GALNT17: variants seen among roughly 807,000 people sequenced by gnomAD.
The protein encoded by GALNT17 is UDP-GalNAc:polypeptide N-acetylgalactosaminyltransferase-like 3.
GALNT17 carries 29 observed loss-of-function variants against 63.7 expected under a neutral mutation model. The ratio of observed to expected loss-of-function variants is 0.46; its 90% CI spans 0.34 to 0.62. The LOEUF (loss-of-function observed/expected upper bound fraction) is 0.62, where lower values mean the gene tolerates loss of function less well. Ranked by LOEUF, GALNT17 falls within the 20% of genes least tolerant of loss-of-function variation. The pLI, the probability that GALNT17 is intolerant of heterozygous loss-of-function variation, is 0.01. For synonymous variants in GALNT17, 305 were observed against 318.3 expected (o/e 0.96, Z 0.45); for missense variants, 603 against 799.6 (o/e 0.75, Z 2.97).
At chr7:71,548,946 C>CT (rs1428659090) in intron 5 of GALNT17, among the ~76,000 whole-genome samples, 1 of 152,186 alleles carries the variant, frequency 6.6e-6, no homozygotes, top group East Asian at 1.9e-4. Context: ...GTTTACGTCA[C>CT]TGAGCCAGGA....
intron 2 of GALNT17, among the ~76,000 whole-genome samples, chr7:71,357,612 G>C (rs886789249): frequency 3.3e-5 from 5 of 152,112 alleles, no homozygotes; most frequent in Non-Finnish European, 7.4e-5. Flanking sequence ...GAGTCATGCA[G>C]ATTTAAAGTC....
At chr7:71,388,104 A>G in intron 2 of GALNT17, 131 bp from the exon 3 acceptor site, 1 of 925,584 alleles carries the variant, frequency 1.1e-6, no homozygotes, top group Non-Finnish European at 1.6e-6. Flanking sequence ...GGAGAAGCCT[A>G]AGGGAACCAG....
intron 1 of GALNT17, among the ~76,000 whole-genome samples, chr7:71,167,240 T>G (rs973621981): frequency 1.4e-4 from 21 of 152,124 alleles, no homozygotes; most frequent in African/African-American, 4.8e-4. Flanking sequence ...ACCAGCCATA[T>G]AGGCAAGTTC....
chr7:71,558,791 A>T (rs1006063715), intron 5 of GALNT17, among the ~76,000 whole-genome samples: 2 of 152,212 alleles, frequency 1.3e-5, no homozygotes, highest in African/African-American at 4.8e-5. Context: ...GCTTATAGGG[A>T]ATATCTTACT....
At chr7:71,444,177 T>C (rs1787118664) in intron 5 of GALNT17, among the ~76,000 whole-genome samples, 1 of 152,156 alleles carries the variant, frequency 6.6e-6, no homozygotes, top group Non-Finnish European at 1.5e-5. Context: ...CCTCTCAGCT[T>C]CCTCAGGGCC....
rs553890597 is a variant in GALNT17 at position 71,214,848 on chromosome 7, G to C, written c.238+81808G>C. On this transcript the variant is annotated intron_variant, in intron 1 of 10. Coordinates refer to ENST00000333538, the MANE Select transcript of GALNT17 (RefSeq NM_022479.3). ...CTGCCTGGGCCTCCCAAAGTGCTGG[G>C]ATTACAGGCGTGAGCCACCGCACCT... Among the ~76,000 whole-genome samples, 5 of 152,266 alleles carry C rather than the reference G, an allele frequency of 3.3e-5. No individual in the cohort carries two copies. The South Asian group carries it at 1.0e-3, about 32-fold the overall frequency.
intron 6 of GALNT17, among the ~76,000 whole-genome samples, chr7:71,653,373 A>G (rs1790780874): frequency 6.6e-6 from 1 of 151,980 alleles, no homozygotes; most frequent in Non-Finnish European, 1.5e-5. Context: ...AGAAATTGAC[A>G]CATGGAAGCT....
intron 1 of GALNT17, among the ~76,000 whole-genome samples, chr7:71,246,774 A>G (rs562350015): frequency 7.8e-4 from 119 of 151,988 alleles, no homozygotes; most frequent in Admixed American, 1.9e-3. Context: ...GCTTGCAGTG[A>G]GCTGAGAACG....
At chr7:71,337,816 C>T (rs557061415) in intron 2 of GALNT17, among the ~76,000 whole-genome samples, 2 of 151,362 alleles carry the variant, frequency 1.3e-5, no homozygotes, top group East Asian at 2.0e-4. Context: ...TGCAGTGAGC[C>T]GAGATCACAC....
intron 5 of GALNT17, among the ~76,000 whole-genome samples, chr7:71,558,415 C>T (rs1417903061): frequency 6.6e-6 from 1 of 151,796 alleles, no homozygotes; most frequent in Non-Finnish European, 1.5e-5. Context: ...TTAGTGTTCC[C>T]ATCATCATCA....
intron 2 of GALNT17, among the ~76,000 whole-genome samples, chr7:71,381,541 G>A (rs2116319693): frequency 6.6e-6 from 1 of 152,234 alleles, no homozygotes; most frequent in Admixed American, 6.5e-5. Flanking sequence ...CACTTTGAGA[G>A]GCCGAGGCGG....
chr7:71,444,376 C>A (rs1368393962), intron 5 of GALNT17, among the ~76,000 whole-genome samples: 1 of 152,152 alleles, frequency 6.6e-6, no homozygotes, highest in Non-Finnish European at 1.5e-5. Context: ...GGCTAATGTA[C>A]GTGGCCTCCT....
rs529396811 is a variant in GALNT17, at chr7:71,651,021, A to G, written c.1081-14390A>G. On this transcript the variant is annotated intron_variant, in intron 6 of 10. Coordinates refer to ENST00000333538, the MANE Select transcript of GALNT17 (RefSeq NM_022479.3). ...TAAATTGTTAGAAGTTAAAGGCATC[A>G]GGCTGGGTGCTGGGAATACCAAGAA... Among the ~76,000 whole-genome samples the G allele has an allele frequency of 2.0e-5, 3 of 152,260 alleles. No homozygotes were observed. The South Asian group carries it at 6.2e-4, about 32-fold the overall frequency.
intron 5 of GALNT17, among the ~76,000 whole-genome samples, chr7:71,426,156 A>G (rs943001158): frequency 2.0e-5 from 3 of 152,124 alleles, no homozygotes; most frequent in African/African-American, 7.2e-5. Context: ...ATTCAACATG[A>G]GATTTGGGCG....
At chr7:71,708,930 A>G (rs1791755032) in intron 9 of GALNT17, among the ~76,000 whole-genome samples, 1 of 152,218 alleles carries the variant, frequency 6.6e-6, no homozygotes, top group African/African-American at 2.4e-5. Flanking sequence ...CATGGTGTAT[A>G]GGTACCACAT....
intron 2 of GALNT17, among the ~76,000 whole-genome samples, chr7:71,345,147 G>GTTTTTTTTTTTT (rs67919212): frequency 2.2e-5 from 3 of 139,450 alleles, no homozygotes; most frequent in East Asian, 2.1e-4. Flanking sequence ...GTTGTTTTTT[G>GTTTTTTTTTTTT]TTTTTTTTTT....
At chr7:71,696,023 C>T (rs963959639) in intron 9 of GALNT17, among the ~76,000 whole-genome samples, 2 of 152,174 alleles carry the variant, frequency 1.3e-5, no homozygotes, top group Non-Finnish European at 2.9e-5. Context: ...TTTAACCAAG[C>T]AATAAATAAA....
chr7:71,141,520 A>G (rs891907881), intron 1 of GALNT17, among the ~76,000 whole-genome samples: 2 of 152,148 alleles, frequency 1.3e-5, no homozygotes, highest in African/African-American at 2.4e-5. Context: ...TTCAAAATGT[A>G]TAGCATAAGC....
At chr7:71,135,427 A>G (rs1419952906) in intron 1 of GALNT17, among the ~76,000 whole-genome samples, 1 of 152,208 alleles carries the variant, frequency 6.6e-6, no homozygotes, top group East Asian at 1.9e-4. Flanking sequence ...CTGAATCTTT[A>G]CAATGACTTG....
Sources: gnomAD v4.1 joint callset for allele counts (sites outside exome capture counted in the v4.1 genomes callset) on GRCh38, gnomAD v4.1.1 for gene constraint, MANE v1.5 for transcripts, NCBI Gene and HGNC (gene_info 2026-07-23, HGNC 2026-07-21) for gene names.